PSMA1: variants seen among roughly 807,000 people sequenced by gnomAD.
PSMA1 encodes the protein proteasome subunit alpha type-1.
A neutral mutation model predicts 38.4 loss-of-function variants in PSMA1; 3 were observed. That is an observed-to-expected ratio of 0.08 (90% confidence interval 0.04 to 0.20). The LOEUF is 0.20. Ranked by LOEUF, PSMA1 falls within the 10% of genes least tolerant of loss-of-function variation. PSMA1 has a pLI of 1.00. For missense variants in PSMA1, 227 were observed against 325.3 expected (o/e 0.70, Z 2.32); for synonymous variants, 101 against 107.1 (o/e 0.94, Z 0.35).
upstream of PSMA1, among the ~76,000 whole-genome samples, chr11:14,523,253 T>C (rs1026007001): frequency 2.6e-5 from 4 of 152,142 alleles, no homozygotes; most frequent in Non-Finnish European, 5.9e-5. Context: ...TCAAGATACA[T>C]CGTTAAAAAC....
At chr11:14,600,092 T>C (rs911337329) in intron 2 of PSMA1, among the ~76,000 whole-genome samples, 1 of 152,172 alleles carries the variant, frequency 6.6e-6, no homozygotes, top group Non-Finnish European at 1.5e-5. Flanking sequence ...CAGCATACAT[T>C]GCTGTCTGGT....
At chr11:14,524,359 G>A (rs539591527), upstream of PSMA1, among the ~76,000 whole-genome samples, 12 of 152,198 alleles carry the variant, frequency 7.9e-5, no homozygotes, top group African/African-American at 2.6e-4. Flanking sequence ...CAAAAGAAGT[G>A]AAAATAGCCT....
At chr11:14,634,391 C>T (rs780268810) in intron 1 of PSMA1, among the ~76,000 whole-genome samples, 3 of 152,058 alleles carry the variant, frequency 2.0e-5, no homozygotes, top group African/African-American at 7.2e-5. Context: ...ACACACTTTT[C>T]GAGGGTACCT....
intron 2 of PSMA1, among the ~76,000 whole-genome samples, chr11:14,579,486 CT>C (rs756980966): frequency 0.1 from 11,487 of 112,324 alleles, 576 homozygotes; most frequent in Middle Eastern, 0.16. Flanking sequence ...GCTGCAAAGA[CT>C]TTTTTTTTTT....
At chr11:14,527,442 A>C (rs1565037113) in intron 2 of PSMA1, among the ~76,000 whole-genome samples, 1 of 152,194 alleles carries the variant, frequency 6.6e-6, no homozygotes, top group Non-Finnish European at 1.5e-5. Context: ...GCAAGCTGCT[A>C]GCCTGCCTCT....
rs559262103 is a variant in PSMA1, at chr11:14,514,932, G to A, written c.255-441C>T. ...TATAAGAAATGGAAAACACAGCAGG[G>A]GGGATCTTTACGTGTTTCTGCCACT... is the stretch of plus-strand genomic sequence containing the variant. On this transcript the variant is annotated intron_variant, in intron 4 of 9. Coordinates refer to ENST00000396394, the MANE Select transcript of PSMA1 (RefSeq NM_002786.4). 1.1e-4 allele frequency among the ~76,000 whole-genome samples: 16 copies of A among 152,274 alleles called. No homozygotes were observed. In the East Asian group the frequency reaches 3.1e-3, roughly 29 times the overall value.
intron 2 of PSMA1, among the ~76,000 whole-genome samples, chr11:14,572,267 A>C (rs1467901596): frequency 6.6e-6 from 1 of 152,208 alleles, no homozygotes; most frequent in Non-Finnish European, 1.5e-5. Flanking sequence ...TTTGGAAGTA[A>C]AGCACTCCTC....
At chr11:14,523,359 C>T (rs1851550152), upstream of PSMA1, among the ~76,000 whole-genome samples, 3 of 152,256 alleles carry the variant, frequency 2.0e-5, no homozygotes, top group South Asian at 2.1e-4. Context: ...TAACCTTGAA[C>T]TCCTGGGCTC....
chr11:14,514,277 C>T, intron 5 of PSMA1, 126 bp downstream of exon 5: 4 of 1,380,868 alleles, frequency 2.9e-6, no homozygotes, highest in Non-Finnish European at 3.8e-6. Context: ...AAGAGCAATC[C>T]AATTTGTTGT....
chr11:14,604,076 T>C (rs138004053), intron 2 of PSMA1, among the ~76,000 whole-genome samples: 2 of 152,344 alleles, frequency 1.3e-5, no homozygotes, highest in African/African-American at 4.8e-5. Context: ...TAAATGTCCT[T>C]TCCAGTAAGC....
chr11:14,578,234 T>C (rs982918529), intron 2 of PSMA1, among the ~76,000 whole-genome samples: 5 of 152,104 alleles, frequency 3.3e-5, no homozygotes, highest in African/African-American at 9.7e-5. Context: ...TAAAAAAAAA[T>C]AGTCTCCCAA....
At chr11:14,506,992 C>T (rs927963782) in intron 9 of PSMA1, among the ~76,000 whole-genome samples, 3 of 152,112 alleles carry the variant, frequency 2.0e-5, no homozygotes, top group African/African-American at 7.2e-5. Context: ...AGTTGCACCC[C>T]ACAAATGACT....
intron 2 of PSMA1, among the ~76,000 whole-genome samples, chr11:14,593,613 T>TGAGAGAGAGAGAGAGAGA (rs59225796): frequency 2.0e-5 from 2 of 98,988 alleles, no homozygotes; most frequent in Non-Finnish European, 2.0e-5. Flanking sequence ...GGAGGAAAAA[T>TGAGAGAGAGAGAGAGAGA]GAGAGAGAGA....
chr11:14,632,830 A>G (rs1252237148), intron 1 of PSMA1, among the ~76,000 whole-genome samples: 1 of 151,460 alleles, frequency 6.6e-6, no homozygotes, highest in Admixed American at 6.6e-5. Flanking sequence ...TGGTCTTTTC[A>G]TATTTCTTTT....
intron 2 of PSMA1, among the ~76,000 whole-genome samples, chr11:14,594,223 TTC>T (rs1160723560): frequency 6.6e-6 from 1 of 152,234 alleles, no homozygotes; most frequent in East Asian, 1.9e-4. Flanking sequence ...TCTTAAGTTT[TTC>T]TGTTACTGGT....
At chr11:14,514,119 G>T in intron 5 of PSMA1, 1 of 1,321,356 alleles carries the variant, frequency 7.6e-7, no homozygotes, top group Non-Finnish European at 9.6e-7. Flanking sequence ...AACCTGATTT[G>T]TTTTGGATAC....
chr11:14,517,449 T>A (rs1178344993), intron 4 of PSMA1, among the ~76,000 whole-genome samples, 193 bp downstream of exon 4: 1 of 152,214 alleles, frequency 6.6e-6, no homozygotes, highest in Non-Finnish European at 1.5e-5. Flanking sequence ...TAATGTTTAA[T>A]CTTATTAGTT....
rs73424239 is a variant in PSMA1, at chr11:14,583,857, C to T, written c.21+27109G>A. Among the ~76,000 whole-genome samples, 570 of 152,240 alleles carry T rather than the reference C, an allele frequency of 3.7e-3. 6 individuals carry two copies. Among genetic ancestry groups the T allele is most frequent in the African/African-American group, 0.013 (550 of 41,532 alleles). Reference sequence around the variant, plus strand: ...TGGTAGATATCTGCTCAGTATTTTTCCCACACCCCTGCTTCTGAAAACGGC... The same window carrying T: ...TGGTAGATATCTGCTCAGTATTTTTTCCACACCCCTGCTTCTGAAAACGGC... On this transcript the variant is annotated intron_variant, in intron 2 of 10. Coordinates refer to the PSMA1 transcript ENST00000418988.
chr11:14,620,728 T>C (rs1415918476), intron 1 of PSMA1, among the ~76,000 whole-genome samples: 3 of 152,234 alleles, frequency 2.0e-5, no homozygotes, highest in African/African-American at 7.2e-5. Context: ...ACTTTTTTTG[T>C]AGATGAAAGA....
Sources: gnomAD v4.1 joint callset for allele counts (sites outside exome capture counted in the v4.1 genomes callset) on GRCh38, gnomAD v4.1.1 for gene constraint, MANE v1.5 for transcripts, NCBI Gene and HGNC (gene_info 2026-07-23, HGNC 2026-07-21) for gene names.